The following TAF4 variants were observed in gnomAD, a reference collection of about 807,000 sequenced individuals.
TAF4 encodes transcription initiation factor TFIID subunit 4.
In TAF4, 9 loss-of-function variants were observed where a neutral mutation model predicts 90.3. The observed-to-expected ratio is 0.10, with a 90% confidence interval of 0.06 to 0.17. TAF4 has a LOEUF of 0.17. Ranked by LOEUF, TAF4 falls within the 10% of genes least tolerant of loss-of-function variation. The probability of loss-of-function intolerance (pLI) is 1.00; values close to 1 mark genes in which losing one functional copy is unlikely to be tolerated. For missense variants in TAF4, 1,351 were observed against 1,370.7 expected (o/e 0.99, Z 0.23); for synonymous variants, 818 against 638.9 (o/e 1.28, Z -4.23).
At chr20:62,020,488 A>ACT (rs1449435508) in intron 1 of TAF4, among the ~76,000 whole-genome samples, 3 of 151,986 alleles carry the variant, frequency 2.0e-5, no homozygotes, top group Non-Finnish European at 4.4e-5. Flanking sequence ...AGAACGCTAA[A>ACT]CTCTTCATTT....
At chr20:62,013,906 GGTGTGTGTGTGTGTGTGTGTGT>G (rs56801841) in intron 2 of TAF4, among the ~76,000 whole-genome samples, 5 of 107,348 alleles carry the variant, frequency 4.7e-5, no homozygotes, top group Non-Finnish European at 7.5e-5. Context: ...GGCTGACGCG[GGTGTGTGTGTGTGTGTGTGTGT>G]GTGTGTGTGT....
In TAF4 at chr20:61,995,833, G is replaced by A. The variant is rs1409817235; in HGVS notation, c.3090+1717C>T. On this transcript the variant is annotated intron_variant, in intron 14 of 14. Transcript: ENST00000252996. ...AGCCGAGATTGCGCCACTGCAGTCC[G>A]CAGTCCGGCCTGGGCGACAGAGCGA... Among the ~76,000 whole-genome samples, 7 of 13,420 alleles carry A rather than the reference G, an allele frequency of 5.2e-4. 2 individuals carry two copies. The South Asian group carries it at 6.7e-3, about 13-fold the overall frequency. 8.8% of individuals were successfully genotyped at this position (13,420 alleles called of 152,430 possible).
At chr20:61,986,622 A>G (rs943178238) in intron 14 of TAF4, among the ~76,000 whole-genome samples, 4 of 152,298 alleles carry the variant, frequency 2.6e-5, no homozygotes, top group Admixed American at 2.6e-4. Context: ...CTGTGGTGTC[A>G]TAAAGTCACC....
At position 62,010,133 on chromosome 20, in the gene TAF4, C is replaced by T. The variant is rs774121720; in HGVS notation, c.1674G>A (p.Thr558=). Residue 558 remains threonine (T), a synonymous_variant, in exon 4 of 15, where the codon ACG becomes ACA. Transcript: ENST00000252996. This position sits in a 1 kb window ranked among gnomAD's most constrained non-coding sequence, Gnocchi z 4.5. ...CAGCCGTCGCCGTCCCAAGTGAAGC[C>T]GTCTGGGCAGCGCCACCCAGAACGA... ...PQLVLGGAAQ[T]ASLGTATAVQ... 5.6e-6 allele frequency: 9 copies of T among 1,613,826 alleles called. No homozygotes were observed. The highest frequency in any genetic ancestry group is 4.0e-5 in the African/African-American group (3 of 74,898).
At chr20:61,992,959 A>C (rs1297134977) in intron 14 of TAF4, among the ~76,000 whole-genome samples, 1 of 152,158 alleles carries the variant, frequency 6.6e-6, no homozygotes, top group African/African-American at 2.4e-5. Context: ...AAATAAAAAC[A>C]ACACACTAAA....
chr20:62,015,038 G>T (rs556737575), intron 1 of TAF4, among the ~76,000 whole-genome samples: 1 of 152,274 alleles, frequency 6.6e-6, no homozygotes, highest in Admixed American at 6.5e-5. Context: ...ACACCCCACA[G>T]ACATGCCAGT....
intron 14 of TAF4, among the ~76,000 whole-genome samples, chr20:61,981,956 G>A (rs112542310): frequency 1.2e-3 from 135 of 110,064 alleles, no homozygotes; most frequent in African/African-American, 2.8e-3. Context: ...CACACCCACC[G>A]GAGAGGAGAC....
intron 9 of TAF4, 138 bp downstream of exon 9, chr20:62,003,022 G>A: frequency 1.6e-6 from 1 of 631,494 alleles, no homozygotes; most frequent in Non-Finnish European, 2.8e-6. Flanking sequence ...GTCAAAGTGA[G>A]CGTGAAGCAG....
chr20:62,012,691 C>T (rs1394514796), intron 3 of TAF4, 124 bp downstream of exon 3: 1 of 1,291,912 alleles, frequency 7.7e-7, no homozygotes, highest in East Asian at 2.7e-5. Flanking sequence ...AACCTTCCTC[C>T]CCAGATTTGA....
intron 1 of TAF4, among the ~76,000 whole-genome samples, chr20:62,040,733 G>A (rs2055958978): frequency 6.6e-6 from 1 of 152,246 alleles, no homozygotes; most frequent in South Asian, 2.1e-4. Flanking sequence ...TGAGCCCGCG[G>A]ATGAAACTAA....
chr20:62,045,814 G>A (rs560229271), intron 1 of TAF4, among the ~76,000 whole-genome samples: 9 of 152,322 alleles, frequency 5.9e-5, no homozygotes, highest in South Asian at 2.1e-4. Context: ...CTGCTTGGAC[G>A]AAGGGAAGAC....
intron 1 of TAF4, among the ~76,000 whole-genome samples, chr20:62,019,970 C>T (rs73915535): frequency 0.03 from 4,561 of 152,292 alleles, 174 homozygotes; most frequent in African/African-American, 0.089. Context: ...GGGCCTGGGG[C>T]TGTGGACTCC....
At chr20:61,992,249 G>A (rs77265307) in intron 14 of TAF4, among the ~76,000 whole-genome samples, 4,019 of 152,248 alleles carry the variant, frequency 0.026, 194 homozygotes, top group African/African-American at 0.092. Flanking sequence ...TAAATGTTTC[G>A]ACAACATAAA....
At chr20:62,059,103 A>G (rs1159833405) in intron 1 of TAF4, among the ~76,000 whole-genome samples, 1 of 152,222 alleles carries the variant, frequency 6.6e-6, no homozygotes, top group Non-Finnish European at 1.5e-5. Flanking sequence ...TCCCAACGAC[A>G]ACTTCTGCTC....
At chr20:62,053,921 A>G (rs1474218013) in intron 1 of TAF4, among the ~76,000 whole-genome samples, 1 of 152,252 alleles carries the variant, frequency 6.6e-6, no homozygotes, top group Non-Finnish European at 1.5e-5. Flanking sequence ...GCAGGACTGC[A>G]GGGACTGACG....
intron 1 of TAF4, among the ~76,000 whole-genome samples, chr20:62,057,248 G>A (rs1430993292): frequency 2.0e-5 from 3 of 152,196 alleles, no homozygotes; most frequent in East Asian, 3.8e-4. Context: ...CCCCAGGTGT[G>A]CTTGGGCCAC....
intron 1 of TAF4, chr20:62,037,717 C>A: frequency 4.8e-6 from 1 of 208,454 alleles, no homozygotes; most frequent in South Asian, 8.9e-5. Flanking sequence ...GTCACCAACC[C>A]TGTGTCCAGC....
rs1378247789 is a variant in TAF4, at chr20:62,064,907, C to T, written c.904G>A (p.Ala302Thr). ...CCGGCGCTGCCCCCGTTCTGGGCGG[C>T]GGCGGGGGGCGGCACGGCGGGCGCG... ...TAAPAVPPPA[A>T]AQNGGSAGAA... Residue 302 changes from alanine to threonine, a missense_variant, in exon 1 of 15, where the codon GCC (alanine) becomes ACC (threonine). Ala to Thr is a moderately conservative substitution (Grantham distance 58). Coordinates refer to ENST00000252996, the MANE Select transcript of TAF4 (RefSeq NM_003185.4). 30 of 637,970 alleles carry T rather than the reference C, an allele frequency of 4.7e-5. No individual in the cohort carries two copies. The South Asian group carries it at 1.4e-3, about 29-fold the overall frequency. The allele number at this position is 637,970 out of a possible 1,614,324, so 39.5% of individuals were successfully genotyped here.
At chr20:62,047,910 T>C (rs2056002792) in intron 1 of TAF4, among the ~76,000 whole-genome samples, 2 of 152,190 alleles carry the variant, frequency 1.3e-5, no homozygotes, top group South Asian at 4.1e-4. Flanking sequence ...CTCGCCGAGA[T>C]GTTCAAACAC....
Sources: gnomAD v4.1 joint callset for allele counts (sites outside exome capture counted in the v4.1 genomes callset) on GRCh38, gnomAD v4.1.1 for gene constraint, Gnocchi (gnomAD v3.1) non-coding constraint, MANE v1.5 for transcripts, NCBI Gene and HGNC (gene_info 2026-07-23, HGNC 2026-07-21) for gene names.